CDCA7L: variants seen among roughly 807,000 people sequenced by gnomAD.
CDCA7L encodes the protein cell division cycle associated 7 like, also known as cell division cycle-associated 7-like protein.
A neutral mutation model predicts 57.4 loss-of-function variants in CDCA7L; 44 were observed. The observed-to-expected ratio is 0.77, with a 90% CI of 0.60 to 0.98. The LOEUF (loss-of-function observed/expected upper bound fraction) is 0.98. Ranked by LOEUF, CDCA7L falls within the 50% of genes least tolerant of loss-of-function variation. The pLI, the probability that CDCA7L is intolerant of heterozygous loss-of-function variation, is 0.00. For missense variants in CDCA7L, 644 were observed against 580.6 expected (o/e 1.11, Z -1.12); for synonymous variants, 236 against 202.8 (o/e 1.16, Z -1.39).
In CDCA7L at chr7:21,901,461, G is replaced by GTTAC. The variant is rs1784843386; in HGVS notation, c.*857_*860dup. 21 of 584,464 alleles carry GTTAC rather than the reference G, an allele frequency of 3.6e-5. No individual in the cohort carries two copies. In the South Asian group the frequency reaches 1.1e-3, roughly 31 times the overall value. 36.2% of individuals were successfully genotyped at this position (584,464 alleles called of 1,614,324 possible). ...GTGGTGGCACACGACTGTAATCCCA[G>GTTAC]TTACTCAGGAGGTAGGAGAATCACT... On this transcript the variant is annotated 3_prime_UTR_variant, in exon 10 of 10. Transcript: ENST00000406877.
chr7:21,935,679 G>C (rs1401191094), intron 1 of CDCA7L, among the ~76,000 whole-genome samples: 3 of 152,160 alleles, frequency 2.0e-5, no homozygotes, highest in East Asian at 1.9e-4. Context: ...ACTAACGTTA[G>C]TAATGAAATT....
At chr7:21,936,639 A>C (rs2128069691) in intron 1 of CDCA7L, among the ~76,000 whole-genome samples, 1 of 152,274 alleles carries the variant, frequency 6.6e-6, no homozygotes, top group East Asian at 1.9e-4. Context: ...TCAGAAAAAA[A>C]AAAAATAGAA....
intron 1 of CDCA7L, among the ~76,000 whole-genome samples, chr7:21,937,489 T>C (rs1306776823): frequency 6.6e-6 from 1 of 151,578 alleles, no homozygotes; most frequent in Non-Finnish European, 1.5e-5. Flanking sequence ...CAAAAAAAAA[T>C]TAGCCAGGCA....
At position 21,945,851 on chromosome 7, in the gene CDCA7L, G is replaced by A. The variant is rs768305447; in HGVS notation, c.-47C>T. The A allele has an allele frequency of 6.3e-7, 1 of 1,575,542 alleles. No individual in the cohort carries two copies. Among genetic ancestry groups the A allele is most frequent in the Non-Finnish European group, 8.6e-7 (1 of 1,163,494 alleles). ...CTCCTCCCAGCACGCGGCCACGGGAGCCCGGACTCACCACGGCCCGGCGCA... is the reference window on the plus strand; with the variant it reads ...CTCCTCCCAGCACGCGGCCACGGGAACCCGGACTCACCACGGCCCGGCGCA... On this transcript the variant is annotated 5_prime_UTR_variant, in exon 1 of 10. Coordinates refer to ENST00000406877, the MANE Select transcript of CDCA7L (RefSeq NM_018719.5).
Position 21,901,302 on chromosome 7 carries a change from T to C in CDCA7L, c.*1020A>G. The C allele has an allele frequency of 6.5e-7, 1 of 1,550,192 alleles. No individual in the cohort carries two copies. Among genetic ancestry groups the C allele is most frequent in the Non-Finnish European group, 8.7e-7 (1 of 1,149,404 alleles). ...CCTCTGCTGGAGTGCAGTGAGGATT[T>C]TCTAGCATGTTGCTGCACTGTTCCC... is the stretch of plus-strand genomic sequence containing the variant. On this transcript the variant is annotated 3_prime_UTR_variant, in exon 10 of 10. Transcript: ENST00000406877.
intron 1 of CDCA7L, among the ~76,000 whole-genome samples, chr7:21,932,273 A>G (rs1197511592): frequency 5.3e-5 from 8 of 152,202 alleles, no homozygotes. Flanking sequence ...GATACCAATG[A>G]CTTTCTTTAC....
At chr7:21,939,636 C>A (rs1263971305) in intron 1 of CDCA7L, among the ~76,000 whole-genome samples, 2 of 152,174 alleles carry the variant, frequency 1.3e-5, no homozygotes, top group Non-Finnish European at 1.5e-5. Flanking sequence ...CAAGTCTGTT[C>A]TCAGTGTTTT....
At chr7:21,906,242 G>GA (rs779722757) in intron 6 of CDCA7L, 47 bp downstream of exon 6, 1 of 1,534,598 alleles carries the variant, frequency 6.5e-7, no homozygotes, top group South Asian at 1.2e-5. Flanking sequence ...CGTTTGGAGG[G>GA]ATGGTAGCTC....
intron 3 of CDCA7L, among the ~76,000 whole-genome samples, chr7:21,910,383 G>C (rs541937678): frequency 6.6e-6 from 1 of 152,248 alleles, no homozygotes; most frequent in East Asian, 1.9e-4. Context: ...GCTACTCATA[G>C]CAAAAAATCA....
chr7:21,904,819 C>A (rs556206275), intron 7 of CDCA7L, among the ~76,000 whole-genome samples: 1 of 152,072 alleles, frequency 6.6e-6, no homozygotes, highest in African/African-American at 2.4e-5. Context: ...TGAGGCTGAG[C>A]AGAGACCCAG....
intron 9 of CDCA7L, chr7:21,902,642 A>ACTAGGATTATGGCTGCCTCTTCATAATCT (rs1377450423): frequency 1.9e-6 from 1 of 521,554 alleles, no homozygotes; most frequent in African/African-American, 1.9e-5. Flanking sequence ...CTCTCTCTGC[A>ACTAGGATTATGGCTGCCTCTTCATAATCT]CTAGGATTAT....
At chr7:21,943,447 G>A (rs968901666) in intron 1 of CDCA7L, among the ~76,000 whole-genome samples, 2 of 152,226 alleles carry the variant, frequency 1.3e-5, no homozygotes, top group Non-Finnish European at 1.5e-5. Flanking sequence ...TGAGCTGAGC[G>A]ACATTTGATG....
Position 21,901,132 on chromosome 7 carries a change from G to T in CDCA7L, c.*1190C>A, listed in dbSNP as rs551275210. On this transcript the variant is annotated 3_prime_UTR_variant, in exon 10 of 10. Transcript: ENST00000406877. The stretch of plus-strand genomic sequence containing the variant: ...CAGACAAGAAACCAAACAGACCTAC[G>T]AGTGCCCTGTGTATAGAACCAAACT... 3 of 1,613,236 alleles carry T rather than the reference G, an allele frequency of 1.9e-6. No homozygotes were observed. The highest frequency in any genetic ancestry group is 2.5e-6 in the Non-Finnish European group (3 of 1,179,382).
At chr7:21,924,441 T>C (rs1429223827) in intron 1 of CDCA7L, among the ~76,000 whole-genome samples, 1 of 89,924 alleles carries the variant, frequency 1.1e-5, no homozygotes, top group African/African-American at 4.5e-5. Flanking sequence ...CTTGCATCTA[T>C]GAAAAGAGAT....
chr7:21,944,449 CA>C (rs59373889), intron 1 of CDCA7L, among the ~76,000 whole-genome samples: 94 of 61,620 alleles, frequency 1.5e-3, no homozygotes, highest in African/African-American at 7.1e-3. Context: ...ACTCCGTCTC[CA>C]AAAAAAAAAA....
rs146108005 is a variant in CDCA7L at position 21,911,745 on chromosome 7, G to A, written c.175C>T (p.Arg59Cys). 2.3e-4 allele frequency: 365 copies of A among 1,611,506 alleles called. No individual in the cohort carries two copies. In the African/African-American group the frequency reaches 3.9e-3, roughly 17 times the overall value. Residue 59 changes from arginine to cysteine, a missense_variant, in exon 3 of 10, where the codon CGC (arginine) becomes TGC (cysteine). By Grantham distance (180) the Arg-to-Cys change is radical. Transcript: ENST00000406877. ...SLESGKQQDV[R>C]FHSKYFTEEL... is the part of the protein sequence containing the mutation. Reference sequence around the variant, plus strand: ...TCTGTGAAGTATTTGGAATGAAAGCGCACATCCTGCTAAATTAAAGACACA... The same window carrying A: ...TCTGTGAAGTATTTGGAATGAAAGCACACATCCTGCTAAATTAAAGACACA...
intron 1 of CDCA7L, among the ~76,000 whole-genome samples, chr7:21,939,225 GTAGA>G (rs1214788389): frequency 1.3e-5 from 2 of 152,136 alleles, no homozygotes; most frequent in Non-Finnish European, 2.9e-5. Context: ...TGTTTAGTAG[GTAGA>G]GAGTTTCAGT....
At chr7:21,906,529 T>A in intron 5 of CDCA7L, 39 bp downstream of exon 5, 1 of 1,612,442 alleles carries the variant, frequency 6.2e-7, no homozygotes, top group Non-Finnish European at 8.5e-7. Flanking sequence ...CTGATCACCA[T>A]ATATCAGTAT....
Position 21,901,270 on chromosome 7 carries a change from C to T in CDCA7L, c.*1052G>A, listed in dbSNP as rs72658841. On this transcript the variant is annotated 3_prime_UTR_variant, in exon 10 of 10. Transcript: ENST00000406877. ...AGAAGCGTAAGGTAACACTGGCATTCCTCTAGCCTCTGCTGGAGTGCAGTG... is the reference window on the plus strand; with the variant it reads ...AGAAGCGTAAGGTAACACTGGCATTTCTCTAGCCTCTGCTGGAGTGCAGTG... The T allele has an allele frequency of 3.1e-3, 4,898 of 1,587,120 alleles. 120 individuals carry two copies. In the African/African-American group the frequency reaches 0.056, roughly 18 times the overall value.
Sources: allele counts gnomAD v4.1 joint callset (sites outside exome capture counted in the v4.1 genomes callset), GRCh38; gene constraint gnomAD v4.1.1; transcripts MANE v1.5; gene names NCBI Gene and HGNC (gene_info 2026-07-23, HGNC 2026-07-21).